FAT3: variants seen among roughly 807,000 people sequenced by gnomAD.
FAT3 encodes the protein FAT atypical cadherin 3.
FAT3 carries 95 observed loss-of-function variants against 310.2 expected under a neutral mutation model. The observed-to-expected ratio is 0.31, with a 90% CI of 0.26 to 0.36. The LOEUF (loss-of-function observed/expected upper bound fraction) is 0.36. Among genes scored for constraint, FAT3 ranks in the 10% least tolerant of loss-of-function variants. FAT3 has a pLI of 1.00. For synonymous variants in FAT3, 2,314 were observed against 2,192.9 expected, an observed-to-expected ratio of 1.06 and a Z score of -1.54; for missense variants, 5,408 against 5,715.6, an observed-to-expected ratio of 0.95 and a Z score of 1.74.
intron 2 of FAT3, among the ~76,000 whole-genome samples, chr11:92,412,110 T>A (rs544496368): frequency 6.6e-6 from 1 of 152,080 alleles, no homozygotes; most frequent in African/African-American, 2.4e-5. Context: ...TTATTATTAT[T>A]TATTATTTTT....
intron 3 of FAT3, among the ~76,000 whole-genome samples, chr11:92,616,381 G>A (rs1940806354): frequency 6.7e-6 from 1 of 150,272 alleles, no homozygotes; most frequent in Non-Finnish European, 1.5e-5. Flanking sequence ...TCTCTGCAGT[G>A]AGATGGGTCT....
At chr11:92,293,167 C>G (rs1373055894) in intron 1 of FAT3, among the ~76,000 whole-genome samples, 1 of 151,630 alleles carries the variant, frequency 6.6e-6, no homozygotes, top group Admixed American at 6.6e-5. Context: ...AACCTTAGCA[C>G]GTAACCTCCC....
chr11:92,662,919 C>G (rs1183620018), intron 3 of FAT3, among the ~76,000 whole-genome samples: 1 of 152,218 alleles, frequency 6.6e-6, no homozygotes, highest in Non-Finnish European at 1.5e-5. Context: ...CCCAAGGAGC[C>G]ATTCCACTCA....
At chr11:92,286,024 G>A (rs1015916955) in intron 1 of FAT3, among the ~76,000 whole-genome samples, 3 of 151,948 alleles carry the variant, frequency 2.0e-5, no homozygotes, top group Non-Finnish European at 4.4e-5. Flanking sequence ...TGAGAGTGTC[G>A]GTAAAAACTG....
chr11:92,245,082 A>G (rs1000301799), intron 1 of FAT3, among the ~76,000 whole-genome samples: 1 of 152,142 alleles, frequency 6.6e-6, no homozygotes, highest in Non-Finnish European at 1.5e-5. Context: ...AAAGACCTGG[A>G]ACCAACCCAA....
chr11:92,724,585 T>C (rs577566206), intron 4 of FAT3, among the ~76,000 whole-genome samples: 6 of 152,232 alleles, frequency 3.9e-5, no homozygotes, highest in Non-Finnish European at 8.8e-5. Flanking sequence ...AAATCTGGTT[T>C]TGTGCTATCC....
Position 92,432,711 on chromosome 11 carries a change from C to T in FAT3, c.3292+77307C>T, listed in dbSNP as rs542454987. On this transcript the variant is annotated intron_variant, in intron 2 of 27. Coordinates refer to ENST00000525166, the MANE Select transcript of FAT3 (RefSeq NM_001367949.2). ...TGAGGTGTCTCCCTGTCAGGAGGCA[C>T]GGGGTCAGGGACCCACTTGAGGAGG... Among the ~76,000 whole-genome samples, 224 of 152,230 alleles carry T rather than the reference C, an allele frequency of 1.5e-3. 1 individual carries two copies. The highest frequency in any genetic ancestry group is 4.5e-3 in the African/African-American group (188 of 41,544).
rs767573973 is a variant in FAT3 at position 92,353,204 on chromosome 11, T to G, written c.1092T>G (p.Ile364Met). 3 of 1,613,786 alleles carry G rather than the reference T, an allele frequency of 1.9e-6. No individual in the cohort carries two copies. Among genetic ancestry groups the G allele is most frequent in the Non-Finnish European group, 2.5e-6 (3 of 1,179,878 alleles). The change falls in exon 2 of 28, where the codon ATT becomes ATG. Residue 364 changes from isoleucine to methionine, a missense_variant. By Grantham distance (10) the Ile-to-Met change is conservative. This residue lies in a region of FAT3 where 4,588 missense variants were observed against 4,809.8 expected (regional missense o/e 0.95). Transcript: ENST00000525166. ...QKCSALKAVYIGNPTRDTVPI... is the reference protein window; with the variant it reads ...QKCSALKAVYMGNPTRDTVPI... ...GTTCAGCATTAAAGGCAGTCTACAT[T>G]GGCAACCCCACAAGAGACACTGTCC...
In FAT3 at chr11:92,863,982, A is replaced by C. The variant is rs16918190; in HGVS notation, c.11659-2759A>C. Among the ~76,000 whole-genome samples the C allele has an allele frequency of 4.1e-3, 629 of 152,352 alleles. 33 individuals carry two copies. In the East Asian group the frequency reaches 0.11, roughly 26 times the overall value. On this transcript the variant is annotated intron_variant, in intron 21 of 27. Transcript: ENST00000525166. ...AATGATTTTTGTTTGTAAAAGGCTAAGAATCGTGTAGGCATCTGGCTTCCT... is the reference window on the plus strand; with the variant it reads ...AATGATTTTTGTTTGTAAAAGGCTACGAATCGTGTAGGCATCTGGCTTCCT...
intron 1 of FAT3, among the ~76,000 whole-genome samples, chr11:92,293,036 GGAAGGAA>G: frequency 8.1e-6 from 1 of 124,114 alleles, no homozygotes; most frequent in African/African-American, 3.2e-5. Context: ...AAGGAAGGAA[GGAAGGAA>G]GGAAGGAAGG....
intron 2 of FAT3, among the ~76,000 whole-genome samples, chr11:92,465,194 T>C (rs116217272): frequency 0.018 from 2,781 of 152,308 alleles, 85 homozygotes; most frequent in African/African-American, 0.062. Context: ...AATTTATTTT[T>C]CCCGTACATG....
At position 92,800,415 on chromosome 11, in the gene FAT3, A is replaced by C. The variant is rs1947305164; in HGVS notation, c.7402A>C (p.Asn2468His). The C allele has an allele frequency of 6.2e-7, 1 of 1,613,978 alleles. No homozygotes were observed. Among genetic ancestry groups the C allele is most frequent in the East Asian group, 2.2e-5 (1 of 44,868 alleles). ...GCGGATGGAGCCTCTGTACAGTCTC[A>C]ATGTGTCTGTCTCTGATGGGTTGTT... ...KQRMEPLYSL[N>H]VSVSDGLFTS... Residue 2468 changes from asparagine (N) to histidine (H), a missense_variant, in exon 10 of 28, where the codon AAT (asparagine) becomes CAT (histidine). Asn to His is a moderately conservative substitution (Grantham distance 68). Around this residue, in one of 5 missense-constraint regions of FAT3, gnomAD observed 4,588 missense variants for 4,809.8 expected, o/e 0.95. Coordinates refer to ENST00000525166, the MANE Select transcript of FAT3 (RefSeq NM_001367949.2).
intron 2 of FAT3, among the ~76,000 whole-genome samples, chr11:92,358,761 A>T (rs1470329969): frequency 6.6e-6 from 1 of 152,062 alleles, no homozygotes; most frequent in African/African-American, 2.4e-5. Context: ...GTGCCACTGA[A>T]TTTTTACTAC....
chr11:92,424,632 C>G (rs993623386), intron 2 of FAT3, among the ~76,000 whole-genome samples: 1 of 152,036 alleles, frequency 6.6e-6, no homozygotes, highest in Non-Finnish European at 1.5e-5. Flanking sequence ...TAATTTTGGC[C>G]TTGTGAAGAT....
At chr11:92,494,188 G>C (rs1022406778) in intron 2 of FAT3, among the ~76,000 whole-genome samples, 2 of 151,886 alleles carry the variant, frequency 1.3e-5, no homozygotes, top group Non-Finnish European at 2.9e-5. Context: ...ACTATCACGA[G>C]AACAACATGG....
chr11:92,675,427 A>G (rs963425085), intron 3 of FAT3, among the ~76,000 whole-genome samples: 1 of 152,190 alleles, frequency 6.6e-6, no homozygotes. Context: ...TTTAAAGCAT[A>G]CCCAAGAGGC....
intron 2 of FAT3, 87 bp from the exon 3 acceptor site, chr11:92,524,547 A>T: frequency 7.7e-7 from 1 of 1,298,272 alleles, no homozygotes; most frequent in East Asian, 2.4e-5. Flanking sequence ...TGCCAAGATT[A>T]TTTAGTGTAG....
At chr11:92,889,784 C>T in intron 26 of FAT3, 72 bp from the exon 27 acceptor site, 2 of 714,614 alleles carry the variant, frequency 2.8e-6, no homozygotes, top group Non-Finnish European at 5.2e-6. Flanking sequence ...AAAGTCATCT[C>T]AAATGTTCTG....
intron 4 of FAT3, among the ~76,000 whole-genome samples, chr11:92,755,070 G>A (rs376893200): frequency 6.6e-6 from 1 of 152,156 alleles, no homozygotes; most frequent in African/African-American, 2.4e-5. Context: ...AGACAGGAGG[G>A]ATTGGTAATG....
Sources: allele counts gnomAD v4.1 joint callset (sites outside exome capture counted in the v4.1 genomes callset), GRCh38; gene constraint gnomAD v4.1.1; regional missense constraint gnomAD v4.1.1; transcripts MANE v1.5; gene names NCBI Gene and HGNC (gene_info 2026-07-23, HGNC 2026-07-21).